Variants in RGS11 observed in about 807,000 individuals in gnomAD.
The protein encoded by RGS11 is regulator of G-protein signaling 11.
A neutral mutation model predicts 71.1 loss-of-function variants in RGS11; 86 were observed. The ratio of observed to expected loss-of-function variants is 1.21; its 90% CI spans 1.02 to 1.45. The LOEUF (loss-of-function observed/expected upper bound fraction) is 1.45. Among genes scored for constraint, RGS11 ranks in the 40% most tolerant of loss-of-function variants. The pLI is 0.00. For synonymous variants in RGS11, 298 were observed against 254.2 expected (o/e 1.17, Z -1.64); for missense variants, 734 against 635.1 (o/e 1.16, Z -1.67).
intron 9 of RGS11, chr16:272,138 A>G (rs2051967474): frequency 2.6e-6 from 3 of 1,142,074 alleles, no homozygotes; most frequent in Admixed American, 4.2e-5. Flanking sequence ...GCCCGGCCTA[A>G]TATGTCACAT....
Position 275,489 on chromosome 16 carries a change from C to A in RGS11, c.73G>T (p.Val25Leu), listed in dbSNP as rs1204057610. 1 of 1,574,412 alleles carries A rather than the reference C, an allele frequency of 6.4e-7. No individual in the cohort carries two copies. The highest frequency in any genetic ancestry group is 2.3e-5 in the East Asian group (1 of 43,570). ...TCGGGGTCCTGCATGCTCACGACCA[C>A]CCGCTCCATCTGGGCGGAGGGAGTC... Reference protein sequence around the residue: ...QMPHLRKMERVVVSMQDPDQG... With the variant: ...QMPHLRKMERLVVSMQDPDQG... Residue 25 changes from valine to leucine, a missense_variant, in exon 2 of 17, where the codon GTG (valine) becomes TTG (leucine). By Grantham distance (32) the Val-to-Leu change is conservative (BLOSUM62 1). Coordinates refer to ENST00000397770, the MANE Select transcript of RGS11 (RefSeq NM_183337.3).
rs1195684530 is a variant in RGS11, at chr16:268,834, T to C, written c.*435A>G. 5.8e-6 allele frequency: 9 copies of C among 1,550,366 alleles called. No individual in the cohort carries two copies. The South Asian group carries it at 9.5e-5, about 16-fold the overall frequency. On this transcript the variant is annotated 3_prime_UTR_variant, in exon 17 of 17. Transcript: ENST00000397770. Reference sequence around the variant, plus strand: ...ACGGGGCAGAGCTCGCGCCGAGACCTGCATGTCCGCGTCTTGTGACGGGTG... The same window carrying C: ...ACGGGGCAGAGCTCGCGCCGAGACCCGCATGTCCGCGTCTTGTGACGGGTG...
chr16:275,318 T>C lies in RGS11; in HGVS notation c.176A>G (p.Gln59Arg), dbSNP rs2052120395. The C allele has an allele frequency of 6.2e-7, 1 of 1,612,112 alleles. No individual in the cohort carries two copies. The part of the protein sequence containing the change: ...PHAVTGSDVV[Q>R]WLAQKFCVSE... ...GACGCAGAACTTCTGGGCCAACCAC[T>C]GCACGACGTCGCTGCCTGCACGGGA... is the stretch of plus-strand genomic sequence containing the variant. Residue 59 changes from glutamine (Q) to arginine (R), a missense_variant, in exon 3 of 17, where the codon CAG becomes CGG. Physicochemically the swap from Gln to Arg is conservative, Grantham distance 43. Coordinates refer to ENST00000397770, the MANE Select transcript of RGS11 (RefSeq NM_183337.3).
Position 275,863 on chromosome 16 carries a change from G to A in RGS11, c.49C>T (p.Pro17Ser). 1 of 1,049,794 alleles carries A rather than the reference G, an allele frequency of 9.5e-7. No homozygotes were observed. The allele number at this position is 1,049,794 out of a possible 1,614,324, so 65.0% of individuals were successfully genotyped here. The change falls in exon 1 of 17, where the codon CCG becomes TCG. Residue 17 changes from proline to serine, a missense_variant. Pro to Ser is a moderately conservative substitution (Grantham distance 74, BLOSUM62 -1). Transcript: ENST00000397770. ...PPPGRPRAQM[P>S]HLRKMERVVV... ...CCGCCTCGCACCTTCCTCAGATGCG[G>A]CATCTGCGCCCGGGGGCGGCCGGGG...
chr16:274,768 A>T (rs1187410771), intron 4 of RGS11: 2 of 740,088 alleles, frequency 2.7e-6, no homozygotes, highest in Non-Finnish European at 4.7e-6. Context: ...CTGAGGCTCC[A>T]TCCCTCAGCC....
Position 275,880 on chromosome 16 carries a change from C to T in RGS11, c.32G>A (p.Arg11His), listed in dbSNP as rs1469157575. The T allele has an allele frequency of 4.2e-6, 4 of 956,516 alleles. No homozygotes were observed. The highest frequency in any genetic ancestry group is 3.8e-6 in the Non-Finnish European group (3 of 784,106). The allele number at this position is 956,516 out of a possible 1,614,324, so 59.3% of individuals were successfully genotyped here. MAAGPAPPPG[R>H]PRAQMPHLRK... is the part of the protein sequence containing the mutation. ...CAGATGCGGCATCTGCGCCCGGGGG[C>T]GGCCGGGGGGCGGCGCGGGGCCGGC... The change falls in exon 1 of 17, where the codon CGC becomes CAC. Residue 11 changes from arginine (R) to histidine (H), a missense_variant. Arg to His is a conservative substitution (Grantham distance 29). Transcript: ENST00000397770.
At chr16:275,599 CGCG>C in intron 1 of RGS11, 101 bp from the exon 2 acceptor site, 21 of 1,061,826 alleles carry the variant, frequency 2.0e-5, no homozygotes, top group East Asian at 2.8e-5. Flanking sequence ...GAGATTAACG[CGCG>C]GCGGCGGCGG....
chr16:270,821 G>A lies in RGS11; in HGVS notation c.990C>T (p.Leu330=), dbSNP rs2051896344. ...GCTCCTCACATGCCTCCCAGAAGCT[G>A]AGGTTTTCTCCTGGGGGGCCGGGCA... The part of the protein sequence containing the change: ...FLGKEFSGEN[L]SFWEACEELR... The change falls in exon 14 of 17, where the codon CTC becomes CTT. Residue 330 remains leucine (L), a synonymous_variant. Coordinates refer to ENST00000397770, the MANE Select transcript of RGS11 (RefSeq NM_183337.3). 6.2e-7 allele frequency: 1 copy of A among 1,611,682 alleles called. No individual in the cohort carries two copies. The highest frequency in any genetic ancestry group is 8.5e-7 in the Non-Finnish European group (1 of 1,179,570).
intron 15 of RGS11, 62 bp from the exon 16 acceptor site, chr16:269,647 C>T: frequency 7.6e-7 from 1 of 1,313,416 alleles, no homozygotes; most frequent in East Asian, 2.3e-5. Context: ...CCAGCTCCAC[C>T]CGAAGGAGCA....
rs199777468 is a variant in RGS11, at chr16:271,092, C to T, written c.871G>A (p.Ala291Thr). The T allele has an allele frequency of 1.9e-6, 3 of 1,611,596 alleles. No homozygotes were observed. The highest frequency in any genetic ancestry group is 2.2e-5 in the South Asian group (2 of 90,984). ...YWVMNAPTVA[A>T]PTKLRVERWG... is the part of the protein sequence containing the mutation. ...CTCTCCACACGGAGCTTCGTGGGGGCAGCCACCCTGGGGAGAGGGCAGGGC... is the reference window on the plus strand; with the variant it reads ...CTCTCCACACGGAGCTTCGTGGGGGTAGCCACCCTGGGGAGAGGGCAGGGC... The change falls in exon 13 of 17, where the codon GCC becomes ACC. Residue 291 changes from alanine (A) to threonine (T), a missense_variant. Coordinates refer to ENST00000397770, the MANE Select transcript of RGS11 (RefSeq NM_183337.3).
At position 275,269 on chromosome 16, in the gene RGS11, G is replaced by C. The variant is rs758200245; in HGVS notation, c.211+14C>G. On this transcript the variant is annotated intron_variant, in intron 3 of 16. Transcript: ENST00000397770. ...CCAGTGACCCCAGGGCCCAGTGGGA[G>C]GCAGGGCGCTCACCCTCCTCCGAGA... is the stretch of plus-strand genomic sequence containing the variant. 6.2e-7 allele frequency: 1 copy of C among 1,612,364 alleles called. No homozygotes were observed. Among genetic ancestry groups the C allele is most frequent in the African/African-American group, 1.3e-5 (1 of 74,928 alleles).
At chr16:271,806 C>G in intron 9 of RGS11, 1 of 577,456 alleles carries the variant, frequency 1.7e-6, no homozygotes, top group Admixed American at 3.1e-5. Context: ...ACCTCAGGTT[C>G]TCAAAGTTGC....
intron 9 of RGS11, chr16:272,091 C>T (rs1226118491): frequency 2.0e-6 from 2 of 1,002,466 alleles, no homozygotes; most frequent in Non-Finnish European, 2.5e-6. Context: ...CCGCCTCAGC[C>T]TCCCAAAGTG....
rs139192549 is a variant in RGS11 at position 270,782 on chromosome 16, C to A, written c.1029G>T (p.Ala343=). 6 of 1,612,506 alleles carry A rather than the reference C, an allele frequency of 3.7e-6. No individual in the cohort carries two copies. The highest frequency in any genetic ancestry group is 8.5e-7 in the Non-Finnish European group (1 of 1,179,898). ...WEACEELRYG[A]QAQVPTLVDA... ...CCACCAGGGTGGGGACCTGGGCCTG[C>A]GCTCCATATCGAAGCTCCTCACATG... Residue 343 remains alanine, a synonymous_variant, in exon 14 of 17, where the codon GCG becomes GCT. Transcript: ENST00000397770.
In RGS11 at chr16:271,302, A is replaced by G; in HGVS notation, c.763T>C (p.Cys255Arg). ...GGATCGTGGGGTCCACGCTGGCCGCAGAAACTCAGGTACCTGGAAGGGGGT... is the reference window on the plus strand; with the variant it reads ...GGATCGTGGGGTCCACGCTGGCCGCGGAAACTCAGGTACCTGGAAGGGGGT... ...SVCLEAYLSF[C>R]GQRGPHDPLV... The change falls in exon 12 of 17, where the codon TGC (cysteine) becomes CGC (arginine). Residue 255 changes from cysteine to arginine, a missense_variant. By Grantham distance (180) the Cys-to-Arg change is radical. Transcript: ENST00000397770. 1 of 1,612,972 alleles carries G rather than the reference A, an allele frequency of 6.2e-7. No individual in the cohort carries two copies. The highest frequency in any genetic ancestry group is 8.5e-7 in the Non-Finnish European group (1 of 1,179,960).
At chr16:270,392 G>C (rs1596887592) in intron 15 of RGS11, 131 bp downstream of exon 15, 1 of 1,124,590 alleles carries the variant, frequency 8.9e-7, no homozygotes. Flanking sequence ...CCCCAACCAG[G>C]TGGGGAAGGT....
chr16:273,065 G>A (rs1299942607), intron 8 of RGS11, 134 bp from the exon 9 acceptor site: 9 of 826,698 alleles, frequency 1.1e-5, no homozygotes, highest in South Asian at 7.4e-5. Context: ...CGACCTAGCC[G>A]TCAGCTGTCT....
intron 5 of RGS11, 23 bp downstream of exon 5, chr16:274,191 G>A (rs2052064824): frequency 6.2e-7 from 1 of 1,604,136 alleles, no homozygotes; most frequent in South Asian, 1.1e-5. Flanking sequence ...AACTTGTCTG[G>A]GGCCAGCCGT....
chr16:272,299 G>A, intron 9 of RGS11: 1 of 1,275,188 alleles, frequency 7.8e-7, no homozygotes, highest in Non-Finnish European at 1.0e-6. Context: ...GTCCTGGCCT[G>A]TGTCCCCGCT....
Sources: gnomAD v4.1 joint callset for allele counts on GRCh38, gnomAD v4.1.1 for gene constraint, MANE v1.5 for transcripts, NCBI Gene and HGNC (gene_info 2026-07-23, HGNC 2026-07-21) for gene names.